The following COL3A1 variants were observed in gnomAD, a reference collection of about 807,000 sequenced individuals.
COL3A1 encodes the protein collagen alpha-1(III) chain.
Under a neutral mutation model 200.9 loss-of-function variants are expected in COL3A1, and 46 were observed. That is an observed-to-expected ratio of 0.23 (90% confidence interval 0.18 to 0.29). COL3A1 has a LOEUF of 0.29. Among genes scored for constraint, COL3A1 ranks in the 10% least tolerant of loss-of-function variants. The pLI is 1.00. For missense variants in COL3A1, 1,367 were observed against 1,917.6 expected (o/e 0.71, Z 5.36); for synonymous variants, 650 against 628.0 (o/e 1.03, Z -0.52).
chr2:189,011,987 T>G lies in COL3A1; in HGVS notation c.*213T>G. 1.7e-6 allele frequency: 1 copy of G among 588,750 alleles called. No homozygotes were observed. 36.5% of individuals were successfully genotyped at this position (588,750 alleles called of 1,614,324 possible). A position where few individuals can be genotyped will look rare whatever the true frequency, so the allele number is the denominator to read the frequency against. ...TTCAAATGCTTTTTGTTTTATTTTT[T>G]TACCAATTCCAATTTCAAAATGTCT... On this transcript the variant is annotated 3_prime_UTR_variant, in exon 51 of 51. Coordinates refer to ENST00000304636, the MANE Select transcript of COL3A1 (RefSeq NM_000090.4).
At chr2:188,998,969 A>G (rs1559058376) in intron 29 of COL3A1, among the ~76,000 whole-genome samples, 1 of 152,220 alleles carries the variant, frequency 6.6e-6, no homozygotes, top group Admixed American at 6.5e-5. Flanking sequence ...AAACGGAAAA[A>G]TATTGCCAAT....
At position 188,991,455 on chromosome 2, in the gene COL3A1, GTAAAATAGTAACATATTTTA is replaced by G; in HGVS notation, c.853-29_853-10del. The G allele has an allele frequency of 6.8e-7, 1 of 1,466,174 alleles. No homozygotes were observed. The highest frequency in any genetic ancestry group is 9.4e-7 in the Non-Finnish European group (1 of 1,063,358). The allele number at this position is 1,466,174 out of a possible 1,614,324, so 90.8% of individuals were successfully genotyped here. A position where few individuals can be genotyped will look rare whatever the true frequency, so the allele number is the denominator to read the frequency against. On this transcript the variant is annotated splice_polypyrimidine_tract_variant and intron_variant, in intron 11 of 50. Coordinates refer to ENST00000304636, the MANE Select transcript of COL3A1 (RefSeq NM_000090.4). Reference sequence around the variant, plus strand: ...ATATATAATATTTTCTTCCTCTTTTGTAAAATAGTAACATATTTTATATGTATCTAGGGTGAAAATGGTCT... The same window carrying G: ...ATATATAATATTTTCTTCCTCTTTTGTATGTATCTAGGGTGAAAATGGTCT...
chr2:188,984,134 T>C (rs1688014812), intron 1 of COL3A1, among the ~76,000 whole-genome samples: 1 of 152,060 alleles, frequency 6.6e-6, no homozygotes, highest in African/African-American at 2.4e-5. Flanking sequence ...TTTGGAAATG[T>C]CTTTACATCC....
In COL3A1 at chr2:189,005,372, C is replaced by A. The variant is rs777367061; in HGVS notation, c.2954C>A (p.Ala985Asp). 1.2e-6 allele frequency: 2 copies of A among 1,614,022 alleles called. No homozygotes were observed. Among genetic ancestry groups the A allele is most frequent in the South Asian group, 2.2e-5 (2 of 91,074 alleles). The change falls in exon 41 of 51, where the codon GCT (alanine) becomes GAT (aspartate). Residue 985 changes from alanine (A) to aspartate (D), a missense_variant. This residue lies in a region of COL3A1 where 846 missense variants were observed against 1,147.9 expected (regional missense o/e 0.74). Coordinates refer to ENST00000304636, the MANE Select transcript of COL3A1 (RefSeq NM_000090.4). Reference sequence around the variant, plus strand: ...CAGGGTGAAAGTGGGAAACCAGGAGCTAACGGTCTCAGTGGAGAACGTGGT... The same window carrying A: ...CAGGGTGAAAGTGGGAAACCAGGAGATAACGGTCTCAGTGGAGAACGTGGT... ...GVKGESGKPGANGLSGERGPP... is the reference protein window; with the variant it reads ...GVKGESGKPGDNGLSGERGPP...
At chr2:188,975,916 TCTC>T (rs1232183376) in intron 1 of COL3A1, among the ~76,000 whole-genome samples, 1 of 151,392 alleles carries the variant, frequency 6.6e-6, no homozygotes, top group African/African-American at 2.4e-5. Context: ...TCTACTCCTC[TCTC>T]CTCCTCTGTC....
intron 46 of COL3A1, 47 bp from the exon 47 acceptor site, chr2:189,007,988 A>G (rs764308342): frequency 1.2e-5 from 19 of 1,613,910 alleles, no homozygotes; most frequent in Non-Finnish European, 1.4e-5. Flanking sequence ...AGATGTCTGC[A>G]TTTCAGAAAG....
At position 188,994,274 on chromosome 2, in the gene COL3A1, C is replaced by T. The variant is rs1057519250; in HGVS notation, c.1235C>T (p.Ala412Val). The change falls in exon 18 of 51, where the codon GCC becomes GTC. Residue 412 changes from alanine (A) to valine (V), a missense_variant. Ala to Val is a moderately conservative substitution (Grantham distance 64). Transcript: ENST00000304636. The surrounding 1 kb of genome is among the most constrained non-coding windows in gnomAD (Gnocchi z 4.5). ...CCTGGAGCTCCTGGACTGATGGGAG[C>T]CCGGGGTCCTCCAGGACCAGCCGGT... ...GIPGAPGLMG[A>V]RGPPGPAGAN... 1 of 1,613,910 alleles carries T rather than the reference C, an allele frequency of 6.2e-7. No individual in the cohort carries two copies. The highest frequency in any genetic ancestry group is 1.3e-5 in the African/African-American group (1 of 75,022).
At position 188,992,946 on chromosome 2, in the gene COL3A1, C is replaced by T. The variant is rs528634384; in HGVS notation, c.1050+6C>T. The T allele has an allele frequency of 3.6e-5, 58 of 1,613,484 alleles. No homozygotes were observed. The South Asian group carries it at 5.7e-4, about 16-fold the overall frequency. On this transcript the variant is annotated splice_donor_region_variant and intron_variant, in intron 15 of 50. Coordinates refer to ENST00000304636, the MANE Select transcript of COL3A1 (RefSeq NM_000090.4). ...CTGGATCCCCTGGTGCTAAGGTAAA[C>T]ATGTGTTTCTATAGAAGGGTATAAA... is the stretch of plus-strand genomic sequence containing the variant.
At chr2:189,006,521 G>A (rs1478412052) in intron 43 of COL3A1, 69 bp downstream of exon 43, 5 of 1,484,976 alleles carry the variant, frequency 3.4e-6, no homozygotes, top group East Asian at 4.7e-5. Context: ...GTAGGTAGAA[G>A]GTAGAATGTC....
intron 4 of COL3A1, among the ~76,000 whole-genome samples, 161 bp downstream of exon 4, chr2:188,985,939 C>T (rs1343982600): frequency 6.6e-6 from 1 of 152,010 alleles, no homozygotes; most frequent in Non-Finnish European, 1.5e-5. Flanking sequence ...GTATTAGGCA[C>T]TATTCTAAGT....
At position 188,983,722 on chromosome 2, in the gene COL3A1, C is replaced by G. The variant is rs193205854; in HGVS notation, c.80-1038C>G. On this transcript the variant is annotated intron_variant, in intron 1 of 50. Transcript: ENST00000304636. Reference sequence around the variant, plus strand: ...TTTGAGAAAATAAAAATTTCACCATCTCACAAAAATATAAATTACTGAACA... The same window carrying G: ...TTTGAGAAAATAAAAATTTCACCATGTCACAAAAATATAAATTACTGAACA... 3.3e-5 allele frequency among the ~76,000 whole-genome samples: 5 copies of G among 152,046 alleles called. No individual in the cohort carries two copies. In the East Asian group the frequency reaches 9.7e-4, roughly 29 times the overall value.
Position 189,007,542 on chromosome 2 carries a change from C to G in COL3A1, c.3298C>G (p.Arg1100Gly). ...PRGDKGETGE[R>G]GAAGIKGHRG... ...TGGTGACAAAGGTGAAACAGGTGAACGTGGAGCTGCTGGCATCAAAGGACA... is the reference window on the plus strand; with the variant it reads ...TGGTGACAAAGGTGAAACAGGTGAAGGTGGAGCTGCTGGCATCAAAGGACA... The change falls in exon 45 of 51, where the codon CGT becomes GGT. Residue 1100 changes from arginine (R) to glycine (G), a missense_variant. Physicochemically the swap from Arg to Gly is moderately radical, Grantham distance 125. Coordinates refer to ENST00000304636, the MANE Select transcript of COL3A1 (RefSeq NM_000090.4). 6.2e-7 allele frequency: 1 copy of G among 1,613,642 alleles called. No homozygotes were observed. Among genetic ancestry groups the G allele is most frequent in the South Asian group, 1.1e-5 (1 of 90,966 alleles).
In COL3A1 at chr2:188,994,720, T is replaced by C. The variant is rs756811190; in HGVS notation, c.1348-4T>C. On this transcript the variant is annotated splice_region_variant and splice_polypyrimidine_tract_variant and intron_variant, in intron 19 of 50. Transcript: ENST00000304636. The surrounding 1 kb of genome is among the most constrained non-coding windows in gnomAD (Gnocchi z 4.5). ...TTTATTTTACCATCTTTTTTTTTTT[T>C]CAGGGTGAGGCTGGTATTCCAGGTG... The C allele has an allele frequency of 5.6e-6, 9 of 1,608,466 alleles. No homozygotes were observed. The highest frequency in any genetic ancestry group is 4.0e-5 in the African/African-American group (3 of 74,622).
rs1553505707 is a variant in COL3A1 at position 188,974,439 on chromosome 2, G to GCTTTT, written c.-43_-39dup. ...CAACTTGATGGTGCTACTTTGAACT[G>GCTTTT]CTTTTCTTTTCTCCTTTTTGCACAA... On this transcript the variant is annotated 5_prime_UTR_variant, in exon 1 of 51. An upstream open reading frame in the 5' UTR gains an earlier in-frame stop. Coordinates refer to ENST00000304636, the MANE Select transcript of COL3A1 (RefSeq NM_000090.4). 1 of 1,456,330 alleles carries GCTTTT rather than the reference G, an allele frequency of 6.9e-7. No homozygotes were observed. Among genetic ancestry groups the GCTTTT allele is most frequent in the Admixed American group, 1.7e-5 (1 of 59,508 alleles). The allele number at this position is 1,456,330 out of a possible 1,614,324, so 90.2% of individuals were successfully genotyped here. A position where few individuals can be genotyped will look rare whatever the true frequency, so the allele number is the denominator to read the frequency against.
chr2:188,979,539 T>C (rs540200212), intron 1 of COL3A1, among the ~76,000 whole-genome samples: 1 of 151,954 alleles, frequency 6.6e-6, no homozygotes, highest in East Asian at 1.9e-4. Flanking sequence ...CTGTTGGTGG[T>C]CTGGATGTCA....
At position 189,007,096 on chromosome 2, in the gene COL3A1, A is replaced by AATAT. The variant is rs36195651; in HGVS notation, c.3255+147_3255+150dup. The AATAT allele has an allele frequency of 9.2e-3, 2,111 of 229,130 alleles. 105 individuals carry two copies. Among genetic ancestry groups the AATAT allele is most frequent in the African/African-American group, 0.013 (353 of 27,606 alleles). The allele number at this position is 229,130 out of a possible 1,614,324, so 14.2% of individuals were successfully genotyped here. A position where few individuals can be genotyped will look rare whatever the true frequency, so the allele number is the denominator to read the frequency against. On this transcript the variant is annotated intron_variant, in intron 44 of 50. Transcript: ENST00000304636. ...CCAGCGTGTTCAGGAAAAAAGAATG[A>AATAT]ATATATATATATATATATATATATA...
Position 188,987,116 on chromosome 2 carries a change from C to T in COL3A1, c.505C>T (p.Leu169Phe), listed in dbSNP as rs111391222. 4.6e-4 allele frequency: 743 copies of T among 1,612,698 alleles called. 4 individuals carry two copies. Among genetic ancestry groups the T allele is most frequent in the Non-Finnish European group, 9.7e-5 (114 of 1,179,092 alleles). ...DVKSGVAVGG[L>F]AGYPGPAGPP... is the part of the protein sequence containing the mutation. ...CAAGTCTGGAGTAGCAGTAGGAGGA[C>T]TCGCAGGCTATCCTGGACCAGCTGT... The change falls in exon 5 of 51, where the codon CTC becomes TTC. Residue 169 changes from leucine (L) to phenylalanine (F), a missense_variant. Leu to Phe is a conservative substitution (Grantham distance 22, BLOSUM62 0). Around this residue, in one of 5 missense-constraint regions of COL3A1, gnomAD observed 462 missense variants for 681.4 expected, o/e 0.68. Transcript: ENST00000304636.
intron 21 of COL3A1, 62 bp downstream of exon 21, chr2:188,995,161 A>T: frequency 6.8e-7 from 1 of 1,466,552 alleles, no homozygotes. Flanking sequence ...GTTCTTGTAT[A>T]CAATTTCTCA....
In COL3A1 at chr2:189,011,795, C is replaced by A; in HGVS notation, c.*21C>A. ...TATAAACCAAACTCTATCTGAAATC[C>A]CAACAAAAAAAATTTAACTCCATAT... is the stretch of plus-strand genomic sequence containing the variant. On this transcript the variant is annotated 3_prime_UTR_variant, in exon 51 of 51. Transcript: ENST00000304636. 6.2e-7 allele frequency: 1 copy of A among 1,613,286 alleles called. No individual in the cohort carries two copies.
Sources: allele counts gnomAD v4.1 joint callset (sites outside exome capture counted in the v4.1 genomes callset), GRCh38; gene constraint gnomAD v4.1.1; regional missense constraint gnomAD v4.1.1; non-coding constraint Gnocchi (gnomAD v3.1); transcripts MANE v1.5; gene names NCBI Gene and HGNC (gene_info 2026-07-23, HGNC 2026-07-21).